UNC79: variants seen among roughly 807,000 people sequenced by gnomAD.
UNC79 encodes protein unc-79 homolog.
A neutral mutation model predicts 283.1 loss-of-function variants in UNC79; 37 were observed. The observed-to-expected ratio is 0.13, with a 90% CI of 0.10 to 0.17. The LOEUF (loss-of-function observed/expected upper bound fraction) is 0.17. Ranked by LOEUF, UNC79 falls within the 10% of genes least tolerant of loss-of-function variation. The pLI, the probability that UNC79 is intolerant of heterozygous loss-of-function variation, is 1.00. For missense variants in UNC79, 2,272 were observed against 3,211.1 expected (o/e 0.71, Z 7.07); for synonymous variants, 1,107 against 1,200.2 (o/e 0.92, Z 1.61).
intron 10 of UNC79, among the ~76,000 whole-genome samples, chr14:93,532,059 C>T (rs1432149133): frequency 6.6e-6 from 1 of 151,782 alleles, no homozygotes; most frequent in East Asian, 1.9e-4. Context: ...AACTAGAAGC[C>T]AATAAAAGTA....
intron 41 of UNC79, among the ~76,000 whole-genome samples, chr14:93,677,375 A>G (rs887415450): frequency 6.6e-6 from 1 of 152,216 alleles, no homozygotes; most frequent in African/African-American, 2.4e-5. Flanking sequence ...AGGCCTCACA[A>G]TCACGGCGAA....
At chr14:93,447,036 C>T (rs2056481462) in intron 1 of UNC79, among the ~76,000 whole-genome samples, 1 of 152,006 alleles carries the variant, frequency 6.6e-6, no homozygotes, top group Non-Finnish European at 1.5e-5. Flanking sequence ...TTTTTTGCTT[C>T]ATGTGTTTGG....
chr14:93,605,190 A>G (rs576059975), intron 26 of UNC79, among the ~76,000 whole-genome samples: 1 of 152,302 alleles, frequency 6.6e-6, no homozygotes, highest in Admixed American at 6.5e-5. Context: ...AGTAAGAAGC[A>G]TCATATCACC....
At chr14:93,659,114 A>C in intron 38 of UNC79, 79 bp from the exon 42 acceptor site, 1 of 1,148,830 alleles carries the variant, frequency 8.7e-7, no homozygotes, top group African/African-American at 1.6e-5. Flanking sequence ...GCTAAACTAA[A>C]TGCTTTCAGA....
At chr14:93,440,810 A>G (rs1294359584) in intron 1 of UNC79, among the ~76,000 whole-genome samples, 1 of 152,030 alleles carries the variant, frequency 6.6e-6, no homozygotes, top group East Asian at 1.9e-4. Flanking sequence ...CATTATTTCT[A>G]TTCTGTAGCA....
At chr14:93,549,635 C>T (rs2061771784) in intron 14 of UNC79, among the ~76,000 whole-genome samples, 1 of 152,130 alleles carries the variant, frequency 6.6e-6, no homozygotes. Flanking sequence ...GTCAGGCAGC[C>T]TCTGAACCAG....
exon 15 of UNC79, chr14:93,572,030 C>T (rs1293795332): frequency 1.2e-6 from 2 of 1,613,998 alleles, no homozygotes; most frequent in Non-Finnish European, 1.7e-6. Flanking sequence ...TGGCTGGAAG[C>T]CATCAGAACA....
rs1057105075 is a variant in UNC79 at position 93,418,154 on chromosome 14, C to T, written c.-350-49517C>T. 9.9e-5 allele frequency among the ~76,000 whole-genome samples: 15 copies of T among 151,642 alleles called. 1 individual carries two copies. Among genetic ancestry groups the T allele is most frequent in the African/African-American group, 3.6e-4 (15 of 41,362 alleles). ...TTTTTCCCCATCTTTGTGGTTTTAT[C>T]TACTTTTGGTCTTTGATGATGGTGA... On this transcript the variant is annotated intron_variant, in intron 1 of 49. Transcript: ENST00000256339.
intron 30 of UNC79, among the ~76,000 whole-genome samples, chr14:93,626,946 T>A (rs909987173): frequency 6.6e-6 from 1 of 152,100 alleles, no homozygotes. Context: ...CTGCTTGGAG[T>A]GCTGAAGCAG....
chr14:93,539,796 T>G (rs530751330), intron 12 of UNC79, among the ~76,000 whole-genome samples: 3 of 152,216 alleles, frequency 2.0e-5, no homozygotes, highest in African/African-American at 7.2e-5. Context: ...GTATCCACAA[T>G]TCTTTTTGAA....
At chr14:93,618,638 C>A (rs1318479992) in intron 29 of UNC79, among the ~76,000 whole-genome samples, 1 of 152,146 alleles carries the variant, frequency 6.6e-6, no homozygotes, top group Non-Finnish European at 1.5e-5. Flanking sequence ...CCTTTTCTTA[C>A]GTGTTAGAAG....
intron 3 of UNC79, among the ~76,000 whole-genome samples, chr14:93,475,500 G>T (rs2057749409): frequency 6.6e-6 from 1 of 152,322 alleles, no homozygotes; most frequent in South Asian, 2.1e-4. Context: ...CTGTGTTATG[G>T]TGAATGTAAA....
At position 93,430,685 on chromosome 14, in the gene UNC79, G is replaced by C. The variant is rs1373995482; in HGVS notation, c.-345G>C. 1 of 229,674 alleles carries C rather than the reference G, an allele frequency of 4.4e-6. No individual in the cohort carries two copies. Among genetic ancestry groups the C allele is most frequent in the Non-Finnish European group, 8.8e-6 (1 of 113,700 alleles). 14.2% of individuals were successfully genotyped at this position (229,674 alleles called of 1,614,324 possible). A position where few individuals can be genotyped will look rare whatever the true frequency, so the allele number is the denominator to read the frequency against. ...GAATGGAAATACTCCTCCCCCGGTC[G>C]AGCCCATTTTCCCATTTCACCAGGA... is the stretch of plus-strand genomic sequence containing the variant. On this transcript the variant is annotated 5_prime_UTR_variant, in exon 1 of 49. Transcript: ENST00000555664. The surrounding 1 kb of genome is among the most constrained non-coding windows in gnomAD (Gnocchi z 4.6).
intron 26 of UNC79, chr14:93,604,933 T>A (rs1162665719): frequency 8.8e-6 from 14 of 1,587,248 alleles, no homozygotes; most frequent in Non-Finnish European, 1.2e-5. Flanking sequence ...CTGCTCCAGC[T>A]CTCGGTGGGA....
intron 1 of UNC79, among the ~76,000 whole-genome samples, chr14:93,421,862 AATCAATC>A (rs1377302732): frequency 6.6e-6 from 1 of 151,756 alleles, no homozygotes; most frequent in Non-Finnish European, 1.5e-5. Flanking sequence ...CATACACACA[AATCAATC>A]ATGTGAGACA....
chr14:93,635,943 G>A (rs918941072), intron 31 of UNC79, among the ~76,000 whole-genome samples: 2 of 152,206 alleles, frequency 1.3e-5, no homozygotes, highest in African/African-American at 4.8e-5. Context: ...AAGGAACTGA[G>A]AATGGCAGCT....
chr14:93,566,299 G>T (rs940425176), intron 14 of UNC79, among the ~76,000 whole-genome samples: 13 of 152,202 alleles, frequency 8.5e-5, no homozygotes, highest in African/African-American at 2.4e-4. Flanking sequence ...CTAGACAAGG[G>T]TTTTATTTCA....
chr14:93,430,441 GCC>G lies in UNC79; in HGVS notation c.-586_-585del, dbSNP rs1397863754. 6.5e-6 allele frequency: 1 copy of G among 152,730 alleles called. No individual in the cohort carries two copies. The highest frequency in any genetic ancestry group is 1.9e-4 in the East Asian group (1 of 5,192). 9.5% of individuals were successfully genotyped at this position (152,730 alleles called of 1,614,324 possible). A position where few individuals can be genotyped will look rare whatever the true frequency, so the allele number is the denominator to read the frequency against. On this transcript the variant is annotated 5_prime_UTR_variant, in exon 1 of 49. Transcript: ENST00000555664. The surrounding 1 kb of genome is among the most constrained non-coding windows in gnomAD (Gnocchi z 4.6). ...CCCTCCGGCCCCGGCGCTCCAGCCC[GCC>G]CCGGATCCGCCTCCCTCTCCTTCCT...
chr14:93,610,238 C>A (rs1412374130), intron 26 of UNC79, among the ~76,000 whole-genome samples: 1 of 152,116 alleles, frequency 6.6e-6, no homozygotes, highest in African/African-American at 2.4e-5. Flanking sequence ...GCTGGGAGCT[C>A]CCTTTCTTCT....
Sources: allele counts gnomAD v4.1 joint callset (sites outside exome capture counted in the v4.1 genomes callset), GRCh38; gene constraint gnomAD v4.1.1; non-coding constraint Gnocchi (gnomAD v3.1); transcripts MANE v1.5; gene names NCBI Gene and HGNC (gene_info 2026-07-23, HGNC 2026-07-21).